Variants in AVL9 observed in about 807,000 individuals in gnomAD.
AVL9 encodes the protein AVL9 cell migration associated.
Under a neutral mutation model 79.2 loss-of-function variants are expected in AVL9, and 49 were observed. The ratio of observed to expected loss-of-function variants is 0.62; its 90% CI spans 0.49 to 0.79. The LOEUF is 0.79. Among genes scored for constraint, AVL9 ranks in the 30% least tolerant of loss-of-function variants. AVL9 has a pLI of 0.00. For synonymous variants in AVL9, 299 were observed against 280.6 expected (o/e 1.07, Z -0.65); for missense variants, 682 against 776.8 (o/e 0.88, Z 1.45).
intron 10 of AVL9, among the ~76,000 whole-genome samples, chr7:32,567,760 G>A (rs1009998046): frequency 3.3e-5 from 5 of 151,398 alleles, no homozygotes; most frequent in Admixed American, 3.3e-4. Context: ...TGTCACCCAG[G>A]CTGGAGTGCC....
intron 8 of AVL9, among the ~76,000 whole-genome samples, chr7:32,557,806 A>C (rs1416494984): frequency 6.6e-6 from 1 of 151,794 alleles, no homozygotes; most frequent in Admixed American, 6.6e-5. Flanking sequence ...GGTGGATGCT[A>C]AATGGTGATT....
intron 3 of AVL9, among the ~76,000 whole-genome samples, chr7:32,546,666 T>TA (rs982226029): frequency 5.3e-5 from 8 of 151,512 alleles, no homozygotes; most frequent in Admixed American, 3.3e-4. Flanking sequence ...ACTAAAAATA[T>TA]AAAAAAATTA....
chr7:32,547,192 T>A (rs1170752028), intron 3 of AVL9, among the ~76,000 whole-genome samples: 3 of 152,222 alleles, frequency 2.0e-5, no homozygotes, highest in Admixed American at 6.5e-5. Flanking sequence ...CAGGCCACAA[T>A]GCTCCTATAA....
chr7:32,548,710 A>C, intron 3 of AVL9, 137 bp from the exon 4 acceptor site: 1 of 546,336 alleles, frequency 1.8e-6, no homozygotes, highest in South Asian at 3.1e-5. Context: ...ATTTCCTGAG[A>C]GTCTTAATAA....
chr7:32,511,477 CT>C (rs1000808831), intron 1 of AVL9, among the ~76,000 whole-genome samples: 1 of 152,096 alleles, frequency 6.6e-6, no homozygotes, highest in African/African-American at 2.4e-5. Flanking sequence ...GGGAAGCCAT[CT>C]CTCTAGGATA....
intron 13 of AVL9, among the ~76,000 whole-genome samples, chr7:32,579,512 T>TA (rs1562801995): frequency 1.2e-3 from 5 of 4,018 alleles, no homozygotes; most frequent in South Asian, 0.013. Context: ...ATATTATATA[T>TA]TATATTATAT....
At chr7:32,564,332 T>C (rs980073089) in intron 10 of AVL9, among the ~76,000 whole-genome samples, 1 of 152,222 alleles carries the variant, frequency 6.6e-6, no homozygotes, top group Non-Finnish European at 1.5e-5. Context: ...CAAATGCCAA[T>C]GCTGACTTTT....
intron 3 of AVL9, among the ~76,000 whole-genome samples, chr7:32,548,107 C>A (rs1319045123): frequency 6.6e-6 from 1 of 151,188 alleles, no homozygotes; most frequent in Non-Finnish European, 1.5e-5. Flanking sequence ...GGCAGTTCTT[C>A]CATCTCTGGA....
rs1791082754 is a variant in AVL9 at position 32,576,006 on chromosome 7, A to C, written c.1622A>C (p.Lys541Thr). 1 of 1,614,076 alleles carries C rather than the reference A, an allele frequency of 6.2e-7. No homozygotes were observed. The highest frequency in any genetic ancestry group is 8.5e-7 in the Non-Finnish European group (1 of 1,180,014). Reference sequence around the variant, plus strand: ...GGGACAACTTTTGTTACAGCATGGAAGAATACTCACAACTACAGGGTGTGG... The same window carrying C: ...GGGACAACTTTTGTTACAGCATGGACGAATACTCACAACTACAGGGTGTGG... ...DYGTTFVTAW[K>T]NTHNYRVWNS... The change falls in exon 13 of 16, where the codon AAG becomes ACG. Residue 541 changes from lysine to threonine, a missense_variant. Transcript: ENST00000318709.
chr7:32,514,315 T>C (rs987724520), intron 1 of AVL9, among the ~76,000 whole-genome samples: 1 of 152,186 alleles, frequency 6.6e-6, no homozygotes, highest in Non-Finnish European at 1.5e-5. Context: ...GTGCATTGTG[T>C]CTCTGGTTAA....
At chr7:32,512,956 G>T (rs1228331049) in intron 1 of AVL9, among the ~76,000 whole-genome samples, 1 of 152,182 alleles carries the variant, frequency 6.6e-6, no homozygotes, top group Non-Finnish European at 1.5e-5. Context: ...TTGTGTATGG[G>T]ATCCATGAGG....
At position 32,543,256 on chromosome 7, in the gene AVL9, A is replaced by T. The variant is rs534359725; in HGVS notation, c.209A>T (p.Gln70Leu). Residue 70 changes from glutamine to leucine, a missense_variant, in exon 2 of 16, where the codon CAG becomes CTG. Physicochemically the swap from Gln to Leu is moderately radical, Grantham distance 113 (BLOSUM62 -2). Transcript: ENST00000318709. Reference sequence around the variant, plus strand: ...TTACCAGATGGCGCACACAACTACCAGGAAGGTATGTAACAAGACAGTGAA... The same window carrying T: ...TTACCAGATGGCGCACACAACTACCTGGAAGGTATGTAACAAGACAGTGAA... ...LALPDGAHNY[Q>L]EDTVFFHLPP... 64 of 1,613,942 alleles carry T rather than the reference A, an allele frequency of 4.0e-5. No homozygotes were observed. In the South Asian group the frequency reaches 6.5e-4, roughly 16 times the overall value.
intron 3 of AVL9, among the ~76,000 whole-genome samples, chr7:32,545,986 G>T (rs1312005375): frequency 6.6e-6 from 1 of 151,520 alleles, no homozygotes; most frequent in Non-Finnish European, 1.5e-5. Context: ...TGTTTTAAAA[G>T]CTCGCCAGGT....
intron 15 of AVL9, among the ~76,000 whole-genome samples, chr7:32,583,359 AATG>A (rs768856682): frequency 4.6e-5 from 7 of 152,226 alleles, no homozygotes; most frequent in Non-Finnish European, 1.0e-4. Context: ...TAAAAATTTA[AATG>A]ATATTTTGGC....
chr7:32,568,151 C>T (rs1195548129), intron 10 of AVL9, among the ~76,000 whole-genome samples: 14 of 152,124 alleles, frequency 9.2e-5, no homozygotes, highest in East Asian at 5.8e-4. Context: ...AAGTGTGAGT[C>T]ATCGCGCCCA....
intron 10 of AVL9, among the ~76,000 whole-genome samples, chr7:32,568,189 A>G (rs1430895178): frequency 6.8e-6 from 1 of 146,170 alleles, no homozygotes; most frequent in Non-Finnish European, 1.5e-5. Flanking sequence ...TTTACATCAT[A>G]TTCTTTTATT....
At chr7:32,540,871 C>CTTT (rs749306635) in intron 1 of AVL9, among the ~76,000 whole-genome samples, 5 of 72,462 alleles carry the variant, frequency 6.9e-5, no homozygotes, top group South Asian at 4.4e-4. Flanking sequence ...TGTTGTACTA[C>CTTT]TTTTTTTTTT....
rs1477005746 is a variant in AVL9, at chr7:32,554,600, C to T, written c.609+4C>T. The T allele has an allele frequency of 7.3e-6, 11 of 1,502,000 alleles. No homozygotes were observed. Among genetic ancestry groups the T allele is most frequent in the East Asian group, 5.0e-5 (2 of 40,156 alleles). 93.0% of individuals were successfully genotyped at this position (1,502,000 alleles called of 1,614,324 possible). A position where few individuals can be genotyped will look rare whatever the true frequency, so the allele number is the denominator to read the frequency against. ...GCTAATTCTTCTTGAAAAAAAGGTA[C>T]GATCCTAAGGGATGAAAGGAAAGAT... On this transcript the variant is annotated splice_donor_region_variant and intron_variant, in intron 8 of 15. Transcript: ENST00000318709.
rs1453793200 is a variant in AVL9, at chr7:32,584,677, G to C, written c.*770G>C. 2 of 150,146 alleles carry C rather than the reference G, an allele frequency of 1.3e-5. No individual in the cohort carries two copies. Among genetic ancestry groups the C allele is most frequent in the African/African-American group, 4.9e-5 (2 of 40,728 alleles). 9.3% of individuals were successfully genotyped at this position (150,146 alleles called of 1,614,324 possible). Reference sequence around the variant, plus strand: ...TCTGTAGGGCAATACTTTCAAAGAAGACCTATGTGTTTATTTTTCAACCGC... The same window carrying C: ...TCTGTAGGGCAATACTTTCAAAGAACACCTATGTGTTTATTTTTCAACCGC... On this transcript the variant is annotated 3_prime_UTR_variant, in exon 16 of 16. Coordinates refer to ENST00000318709, the MANE Select transcript of AVL9 (RefSeq NM_015060.3).
Sources: gnomAD v4.1 joint callset for allele counts (sites outside exome capture counted in the v4.1 genomes callset) on GRCh38, gnomAD v4.1.1 for gene constraint, MANE v1.5 for transcripts, NCBI Gene and HGNC (gene_info 2026-07-23, HGNC 2026-07-21) for gene names.